RAB3GAP2: variants seen among roughly 807,000 people sequenced by gnomAD.
RAB3GAP2 encodes the protein RAB3 GTPase activating non-catalytic protein subunit 2, also known as rab3 GTPase-activating protein non-catalytic subunit.
Under a neutral mutation model 185.3 loss-of-function variants are expected in RAB3GAP2, and 87 were observed. That is an observed-to-expected ratio of 0.47 (90% CI 0.39 to 0.56). The LOEUF is 0.56. Among genes scored for constraint, RAB3GAP2 ranks in the 20% least tolerant of loss-of-function variants. The probability of loss-of-function intolerance (pLI) is 0.00; values close to 1 mark genes in which losing one functional copy is unlikely to be tolerated. For synonymous variants in RAB3GAP2, 554 were observed against 576.1 expected (o/e 0.96, Z 0.55); for missense variants, 1,492 against 1,638.2 (o/e 0.91, Z 1.54).
chr1:220,226,539 T>A (rs1022777392), intron 2 of RAB3GAP2, among the ~76,000 whole-genome samples: 1 of 152,140 alleles, frequency 6.6e-6, no homozygotes, highest in African/African-American at 2.4e-5. Flanking sequence ...CACTATCTTG[T>A]CATCATGTCA....
chr1:220,272,426 G>T lies in RAB3GAP2; in HGVS notation c.-89C>A. On this transcript the variant is annotated 5_prime_UTR_variant, in exon 1 of 35. Transcript: ENST00000358951. ...CTGCGGCCGCCACCGAGCCCCAATA[G>T]CTCTAGCCAAGCAGAAGGCGGAGAA... The T allele has an allele frequency of 1.2e-6, 1 of 845,938 alleles. No homozygotes were observed. The highest frequency in any genetic ancestry group is 1.4e-5 in the South Asian group (1 of 69,578). The allele number at this position is 845,938 out of a possible 1,614,324, so 52.4% of individuals were successfully genotyped here. A position where few individuals can be genotyped will look rare whatever the true frequency, so the allele number is the denominator to read the frequency against.
chr1:220,237,884 T>TG (rs1659623356), intron 1 of RAB3GAP2, among the ~76,000 whole-genome samples: 1 of 133,404 alleles, frequency 7.5e-6, no homozygotes, highest in African/African-American at 2.7e-5. Flanking sequence ...TATTAAAAAG[T>TG]AAAAAAAAAA....
intron 28 of RAB3GAP2, among the ~76,000 whole-genome samples, chr1:220,161,298 G>A (rs755342597): frequency 2.0e-5 from 3 of 152,174 alleles, no homozygotes; most frequent in Non-Finnish European, 4.4e-5. Context: ...TGGCTGTGGT[G>A]CTATTCATGA....
chr1:220,206,255 AG>A (rs1251769954), intron 7 of RAB3GAP2, among the ~76,000 whole-genome samples: 1 of 152,218 alleles, frequency 6.6e-6, no homozygotes, highest in African/African-American at 2.4e-5. Context: ...GAGTAAATAA[AG>A]AATTACAATT....
chr1:220,195,886 T>G (rs1052642598), intron 10 of RAB3GAP2, among the ~76,000 whole-genome samples: 3 of 152,210 alleles, frequency 2.0e-5, no homozygotes, highest in Non-Finnish European at 2.9e-5. Flanking sequence ...TCACCACTTA[T>G]AACAAGTATA....
chr1:220,268,390 A>T (rs912475291), intron 1 of RAB3GAP2, among the ~76,000 whole-genome samples: 2 of 152,176 alleles, frequency 1.3e-5, no homozygotes, highest in Non-Finnish European at 2.9e-5. Context: ...TATCTCATGT[A>T]ATTTCTTGAA....
At chr1:220,241,216 A>T (rs1659691838) in intron 1 of RAB3GAP2, among the ~76,000 whole-genome samples, 1 of 152,090 alleles carries the variant, frequency 6.6e-6, no homozygotes, top group Admixed American at 6.5e-5. Context: ...AACTGAGTGT[A>T]TGTTTTTTTT....
chr1:220,193,159 G>C (rs1658656419), intron 13 of RAB3GAP2, 81 bp downstream of exon 13: 1 of 1,515,194 alleles, frequency 6.6e-7, no homozygotes, highest in African/African-American at 1.4e-5. Context: ...TTATCATCCA[G>C]AAGCTGAAGG....
chr1:220,152,877 C>T (rs566221116), intron 33 of RAB3GAP2, among the ~76,000 whole-genome samples: 2 of 152,186 alleles, frequency 1.3e-5, no homozygotes, highest in South Asian at 2.1e-4. Context: ...CTTCATAGCA[C>T]CTATCATTCA....
At chr1:220,153,939 A>G in intron 32 of RAB3GAP2, 29 bp downstream of exon 32, 2 of 1,610,462 alleles carry the variant, frequency 1.2e-6, no homozygotes, top group Non-Finnish European at 1.7e-6. Context: ...TCCAAGAAAC[A>G]AAAACAAAAT....
At chr1:220,164,837 G>A (rs1419554340) in intron 26 of RAB3GAP2, 38 bp from the exon 27 acceptor site, 1 of 1,571,588 alleles carries the variant, frequency 6.4e-7, no homozygotes, top group Non-Finnish European at 8.7e-7. Context: ...AAGAAAAAGA[G>A]GTATCATTTA....
intron 1 of RAB3GAP2, chr1:220,267,316 T>C (rs1296835032): frequency 9.9e-6 from 10 of 1,006,926 alleles, no homozygotes; most frequent in Admixed American, 1.7e-5. Context: ...GGTGGCATCA[T>C]GGAAATAACC....
rs769338388 is a variant in RAB3GAP2, at chr1:220,205,972, A to C, written c.647T>G (p.Ile216Ser). Residue 216 changes from isoleucine (I) to serine (S), a missense_variant, in exon 8 of 35, where the codon ATT becomes AGT. Ile to Ser is a moderately radical substitution (Grantham distance 142). Transcript: ENST00000358951. ...EELSILYPAAIVTIDGFSLFQ... is the reference protein window; with the variant it reads ...EELSILYPAASVTIDGFSLFQ... The stretch of plus-strand genomic sequence containing the variant: ...AAGGCTAAATCCATCAATAGTCACA[A>C]TGGCAGCTGGATATAAGATACTCAA... 1.9e-6 allele frequency: 3 copies of C among 1,610,844 alleles called. No individual in the cohort carries two copies. Among genetic ancestry groups the C allele is most frequent in the Non-Finnish European group, 2.5e-6 (3 of 1,177,350 alleles).
rs113467494 is a variant in RAB3GAP2, at chr1:220,213,891, A to G, written c.269T>C (p.Val90Ala). The G allele has an allele frequency of 6.2e-7, 1 of 1,613,516 alleles. No individual in the cohort carries two copies. Among genetic ancestry groups the G allele is most frequent in the Non-Finnish European group, 8.5e-7 (1 of 1,179,534 alleles). The change falls in exon 3 of 35, where the codon GTG becomes GCG. Residue 90 changes from valine to alanine, a missense_variant. By Grantham distance (64) the Val-to-Ala change is moderately conservative. Transcript: ENST00000358951. ...TACAGCTTTTTGCTCTCGAGCTATC[A>G]CCATAAGATCATTGGTTGGAGATAA... ...LSLSPTNDLMVIAREQKAVFL... is the reference protein window; with the variant it reads ...LSLSPTNDLMAIAREQKAVFL...
chr1:220,175,508 C>T lies in RAB3GAP2; in HGVS notation c.2311-2766G>A, dbSNP rs533682551. Among the ~76,000 whole-genome samples the T allele has an allele frequency of 3.9e-5, 6 of 152,246 alleles. No homozygotes were observed. The East Asian group carries it at 1.2e-3, about 29-fold the overall frequency. On this transcript the variant is annotated intron_variant, in intron 21 of 34. Coordinates refer to ENST00000358951, the MANE Select transcript of RAB3GAP2 (RefSeq NM_012414.4). ...CTGGGATTACAGGCGTGAGCCACTG[C>T]GCCCGGCCGGAATACCAGATTTCTA...
chr1:220,208,630 T>C (rs1451149923), intron 7 of RAB3GAP2, among the ~76,000 whole-genome samples: 1 of 152,380 alleles, frequency 6.6e-6, no homozygotes, highest in East Asian at 1.9e-4. Context: ...TTCCTCAGGA[T>C]AAGTATCTTA....
intron 1 of RAB3GAP2, among the ~76,000 whole-genome samples, chr1:220,238,218 C>CT (rs941853091): frequency 6.6e-6 from 1 of 151,918 alleles, no homozygotes; most frequent in African/African-American, 2.4e-5. Flanking sequence ...TTTTTTTTCT[C>CT]TTTTTTTGTA....
chr1:220,171,068 T>C lies in RAB3GAP2; in HGVS notation c.2630A>G (p.Glu877Gly). The change falls in exon 24 of 35, where the codon GAG becomes GGG. Residue 877 changes from glutamate to glycine, a missense_variant. Glu to Gly is a moderately conservative substitution (Grantham distance 98). Coordinates refer to ENST00000358951, the MANE Select transcript of RAB3GAP2 (RefSeq NM_012414.4). Reference protein sequence around the residue: ...ADSEALTDSWEALSLDTEYWK... With the variant: ...ADSEALTDSWGALSLDTEYWK... ...GTACTCAGTGTCAAGAGAAAGTGCCTCCCAGGAATCAGTGAGGGCCTCTGA... is the reference window on the plus strand; with the variant it reads ...GTACTCAGTGTCAAGAGAAAGTGCCCCCCAGGAATCAGTGAGGGCCTCTGA... The C allele has an allele frequency of 6.2e-7, 1 of 1,614,140 alleles. No individual in the cohort carries two copies. The highest frequency in any genetic ancestry group is 8.5e-7 in the Non-Finnish European group (1 of 1,179,994).
In RAB3GAP2 at chr1:220,151,275, T is replaced by C; in HGVS notation, c.4158A>G (p.Glu1386=). ...GTCATAAAGAAGGAAGAGATATGGCTTCCACAGCTTCAATGAGGTGTAAGG... is the reference window on the plus strand; with the variant it reads ...GTCATAAAGAAGGAAGAGATATGGCCTCCACAGCTTCAATGAGGTGTAAGG... ...GLALHLIEAV[E]AISLPSL The change falls in exon 35 of 35, where the codon GAA becomes GAG. Residue 1386 remains glutamate (E), a synonymous_variant. Transcript: ENST00000358951. 6.2e-7 allele frequency: 1 copy of C among 1,614,042 alleles called. No individual in the cohort carries two copies. The highest frequency in any genetic ancestry group is 1.1e-5 in the South Asian group (1 of 91,086).
Sources: allele counts gnomAD v4.1 joint callset (sites outside exome capture counted in the v4.1 genomes callset), GRCh38; gene constraint gnomAD v4.1.1; transcripts MANE v1.5; gene names NCBI Gene and HGNC (gene_info 2026-07-23, HGNC 2026-07-21).